The following NETO1 variants were observed in gnomAD, a reference collection of about 807,000 sequenced individuals.
NETO1 encodes neuropilin and tolloid-like protein 1.
In NETO1, 26 loss-of-function variants were observed where a neutral mutation model predicts 61.3. The observed-to-expected ratio is 0.42, with a 90% CI of 0.31 to 0.59. The LOEUF (loss-of-function observed/expected upper bound fraction) is 0.59. Ranked by LOEUF, NETO1 falls within the 20% of genes least tolerant of loss-of-function variation. NETO1 has a pLI of 0.12. For missense variants in NETO1, 531 were observed against 662.8 expected (o/e 0.80, Z 2.18); for synonymous variants, 225 against 225.8 (o/e 1.00, Z 0.03).
intron 4 of NETO1, among the ~76,000 whole-genome samples, chr18:72,858,449 G>T (rs1283041865): frequency 2.0e-5 from 3 of 152,114 alleles, no homozygotes; most frequent in African/African-American, 7.2e-5. Context: ...GTTCCCCAAA[G>T]ATCATTTTGG....
chr18:72,755,576 A>G (rs1176283497), intron 8 of NETO1, among the ~76,000 whole-genome samples: 1 of 152,138 alleles, frequency 6.6e-6, no homozygotes, highest in African/African-American at 2.4e-5. Context: ...GCATTTTCGT[A>G]GCAAAACTGA....
intron 7 of NETO1, among the ~76,000 whole-genome samples, chr18:72,782,116 T>C (rs2071762446): frequency 2.0e-5 from 3 of 152,218 alleles, no homozygotes; most frequent in African/African-American, 7.2e-5. Flanking sequence ...TTTCTGTTAC[T>C]ATATTAGACT....
chr18:72,777,430 AC>A (rs1416572148), intron 7 of NETO1, among the ~76,000 whole-genome samples: 5 of 103,982 alleles, frequency 4.8e-5, no homozygotes, highest in South Asian at 2.9e-4. Flanking sequence ...AAAAAAAAAA[AC>A]AAAACAACAA....
chr18:72,759,992 T>C (rs889920341), intron 7 of NETO1, among the ~76,000 whole-genome samples: 1 of 152,182 alleles, frequency 6.6e-6, no homozygotes, highest in Admixed American at 6.5e-5. Flanking sequence ...GAGCTTCCCA[T>C]TGACGTTAAA....
chr18:72,754,959 C>T (rs767777200), intron 8 of NETO1, among the ~76,000 whole-genome samples: 5 of 152,150 alleles, frequency 3.3e-5, no homozygotes, highest in Non-Finnish European at 7.3e-5. Flanking sequence ...GCATAACCTC[C>T]ATAAACTAGA....
chr18:72,774,166 G>T (rs1177087386), intron 7 of NETO1, among the ~76,000 whole-genome samples: 1 of 151,974 alleles, frequency 6.6e-6, no homozygotes, highest in Non-Finnish European at 1.5e-5. Context: ...CATATTTTAT[G>T]GTGCAAAAGT....
intron 4 of NETO1, among the ~76,000 whole-genome samples, chr18:72,838,273 T>C (rs748180710): frequency 7.2e-5 from 11 of 152,236 alleles, no homozygotes; most frequent in Non-Finnish European, 1.3e-4. Flanking sequence ...GAATACATTG[T>C]GAGTGGCAGG....
chr18:72,834,226 T>C (rs907721671), intron 4 of NETO1: 60 of 665,428 alleles, frequency 9.0e-5, no homozygotes, highest in Admixed American at 5.1e-4. Context: ...TACGTATTAA[T>C]TGCAAAATAA....
chr18:72,844,615 G>A (rs564234591), intron 4 of NETO1, among the ~76,000 whole-genome samples: 16 of 152,196 alleles, frequency 1.1e-4, no homozygotes, highest in South Asian at 2.1e-4. Flanking sequence ...CGTATCTGGC[G>A]TCTCACTCAT....
rs1482642600 is a variant in NETO1, at chr18:72,750,599, A to T, written c.1004T>A (p.Leu335Gln). The T allele has an allele frequency of 1.6e-5, 26 of 1,607,066 alleles. No homozygotes were observed. Among genetic ancestry groups the T allele is most frequent in the Non-Finnish European group, 2.0e-5 (23 of 1,178,696 alleles). Residue 335 changes from leucine to glutamine, a missense_variant, in exon 9 of 11, where the codon CTG becomes CAG. Transcript: ENST00000327305. ...HCKEKRKTSLLDQLTNTSGTV... is the reference protein window; with the variant it reads ...HCKEKRKTSLQDQLTNTSGTV... Reference sequence around the variant, plus strand: ...CCCACTGGTGTTGGTCAGCTGGTCCAGCAGGCTGGTTTTCCTCTTCTCTAT... The same window carrying T: ...CCCACTGGTGTTGGTCAGCTGGTCCTGCAGGCTGGTTTTCCTCTTCTCTAT...
chr18:72,766,016 G>A lies in NETO1; in HGVS notation c.869-9869C>T, dbSNP rs147218578. Among the ~76,000 whole-genome samples, 459 of 152,142 alleles carry A rather than the reference G, an allele frequency of 3.0e-3. 1 individual carries two copies. Among genetic ancestry groups the A allele is most frequent in the Middle Eastern group, 0.01 (3 of 294 alleles). On this transcript the variant is annotated intron_variant, in intron 7 of 10. Transcript: ENST00000327305. ...GAGGTCAGGAGTTCAAGACCAGCTCGGTCAACATGGTGAGAACTCATCTCT... is the reference window on the plus strand; with the variant it reads ...GAGGTCAGGAGTTCAAGACCAGCTCAGTCAACATGGTGAGAACTCATCTCT...
intron 3 of NETO1, among the ~76,000 whole-genome samples, chr18:72,859,889 T>C (rs1016043925): frequency 6.6e-6 from 1 of 151,802 alleles, no homozygotes; most frequent in Non-Finnish European, 1.5e-5. Context: ...ACTCACCTTC[T>C]TTCTCAGAGC....
At chr18:72,817,015 C>T (rs537942469) in intron 4 of NETO1, among the ~76,000 whole-genome samples, 2 of 152,238 alleles carry the variant, frequency 1.3e-5, no homozygotes, top group East Asian at 1.9e-4. Flanking sequence ...GGGCACCCTC[C>T]GGTACGTCTA....
In NETO1 at chr18:72,850,286, T is replaced by C. The variant is rs117049321; in HGVS notation, c.469+8540A>G. ...TCAATAAACAGTTGTTAAATAAGTG[T>C]AGGTGGCTAATATCACCTAGTAGAA... On this transcript the variant is annotated intron_variant, in intron 4 of 10. Coordinates refer to ENST00000327305, the MANE Select transcript of NETO1 (RefSeq NM_138966.5). Among the ~76,000 whole-genome samples the C allele has an allele frequency of 8.8e-3, 1,343 of 152,302 alleles. 8 individuals carry two copies. Among genetic ancestry groups the C allele is most frequent in the Non-Finnish European group, 0.014 (950 of 68,024 alleles).
intron 4 of NETO1, among the ~76,000 whole-genome samples, chr18:72,795,593 A>G (rs1599015454): frequency 6.6e-6 from 1 of 152,150 alleles, no homozygotes; most frequent in East Asian, 1.9e-4. Flanking sequence ...TCCAAGATTT[A>G]TACTCTTTTT....
intron 4 of NETO1, among the ~76,000 whole-genome samples, chr18:72,815,949 GAA>G (rs1185823321): frequency 6.6e-6 from 1 of 152,132 alleles, no homozygotes; most frequent in Non-Finnish European, 1.5e-5. Context: ...ACAGAATGTT[GAA>G]AATGTCAAAA....
rs111297287 is a variant in NETO1, at chr18:72,862,713, C to T, written c.220+2095G>A. Reference sequence around the variant, plus strand: ...TCGGCTCACTGCAAGCTCCGCCTCCCGGGTTCACGCCATTCTCCTGCCTCA... The same window carrying T: ...TCGGCTCACTGCAAGCTCCGCCTCCTGGGTTCACGCCATTCTCCTGCCTCA... On this transcript the variant is annotated intron_variant, in intron 3 of 10. Transcript: ENST00000327305. 9.1e-3 allele frequency among the ~76,000 whole-genome samples: 1,369 copies of T among 150,938 alleles called. 10 individuals are homozygous for T. Among genetic ancestry groups the T allele is most frequent in the Middle Eastern group, 0.021 (6 of 292 alleles).
At chr18:72,794,437 T>A (rs369264453) in intron 4 of NETO1, 33 bp from the exon 5 acceptor site, 5 of 1,585,026 alleles carry the variant, frequency 3.2e-6, no homozygotes, top group Middle Eastern at 2.3e-4. Flanking sequence ...ATTAGTCCCA[T>A]TCTACATTTA....
chr18:72,780,833 A>C (rs939447436), intron 7 of NETO1, among the ~76,000 whole-genome samples: 1 of 152,192 alleles, frequency 6.6e-6, no homozygotes, highest in Non-Finnish European at 1.5e-5. Context: ...ATTTGGCATT[A>C]CATCTTTGTC....
Sources: gnomAD v4.1 joint callset for allele counts (sites outside exome capture counted in the v4.1 genomes callset) on GRCh38, gnomAD v4.1.1 for gene constraint, MANE v1.5 for transcripts, NCBI Gene and HGNC (gene_info 2026-07-23, HGNC 2026-07-21) for gene names.